Variants in GGCT observed in about 807,000 individuals in gnomAD.
GGCT encodes gamma-glutamylcyclotransferase.
GGCT carries 20 observed loss-of-function variants against 22.1 expected under a neutral mutation model. The ratio of observed to expected loss-of-function variants is 0.91; its 90% CI spans 0.64 to 1.32. The LOEUF (loss-of-function observed/expected upper bound fraction) is 1.32, where lower values mean the gene tolerates loss of function less well. GGCT is among the 40% of genes most tolerant of loss of function. The probability of loss-of-function intolerance (pLI) is 0.00; values close to 1 mark genes in which losing one functional copy is unlikely to be tolerated. For synonymous variants in GGCT, 72 were observed against 78.4 expected (o/e 0.92, Z 0.43); for missense variants, 209 against 223.5 (o/e 0.94, Z 0.41).
At position 30,504,702 on chromosome 7, in the gene GGCT, T is replaced by A; in HGVS notation, c.8A>T (p.Asn3Ile). Residue 3 changes from asparagine to isoleucine, a missense_variant, in exon 1 of 4, where the codon AAC (asparagine) becomes ATC (isoleucine). Physicochemically the swap from Asn to Ile is moderately radical, Grantham distance 149 (BLOSUM62 -3). Coordinates refer to ENST00000275428, the MANE Select transcript of GGCT (RefSeq NM_024051.4). MA[N>I]SGCKDVTGPD... Reference sequence around the variant, plus strand: ...ACCCGTGACGTCCTTGCAGCCCGAGTTGGCCATATCCCACTACGCCCCTGC... The same window carrying A: ...ACCCGTGACGTCCTTGCAGCCCGAGATGGCCATATCCCACTACGCCCCTGC... 1 of 1,614,086 alleles carries A rather than the reference T, an allele frequency of 6.2e-7. No individual in the cohort carries two copies. Among genetic ancestry groups the A allele is most frequent in the Non-Finnish European group, 8.5e-7 (1 of 1,179,954 alleles).
rs188331594 is a variant in GGCT, at chr7:30,496,749, C to T, written c.*343G>A. ...TTTAAAAATCTCAGACAGAGCAGAG[C>T]AATTCACCAGCACCATCATCAAGTG... On this transcript the variant is annotated 3_prime_UTR_variant, in exon 4 of 4. Transcript: ENST00000275428. 5 of 167,722 alleles carry T rather than the reference C, an allele frequency of 3.0e-5. No individual in the cohort carries two copies. The Admixed American group carries it at 3.2e-4, about 11-fold the overall frequency. The allele number at this position is 167,722 out of a possible 1,614,324, so 10.4% of individuals were successfully genotyped here.
In GGCT at chr7:30,498,026, T is replaced by TACAC. The variant is rs1554329077; in HGVS notation, c.423+773_423+776dup. The TACAC allele has an allele frequency of 1.1e-3, 243 of 219,504 alleles. 1 individual carries two copies. The highest frequency in any genetic ancestry group is 5.1e-3 in the African/African-American group (223 of 43,992). The allele number at this position is 219,504 out of a possible 1,614,324, so 13.6% of individuals were successfully genotyped here. ...AAAAGCATATATATATATATATAGA[T>TACAC]ACACACACACATATACATATATATA... is the stretch of plus-strand genomic sequence containing the variant. On this transcript the variant is annotated intron_variant, in intron 3 of 3. Transcript: ENST00000275428.
At chr7:30,500,021 T>C (rs557771309) in intron 2 of GGCT, among the ~76,000 whole-genome samples, 14 of 152,326 alleles carry the variant, frequency 9.2e-5, no homozygotes, top group South Asian at 8.3e-4. Context: ...CCTACTCTTT[T>C]CTGCAACTTT....
At chr7:30,500,771 G>T in intron 1 of GGCT, 90 bp from the exon 2 acceptor site, 1 of 1,059,606 alleles carries the variant, frequency 9.4e-7, no homozygotes, top group Non-Finnish European at 1.4e-6. Flanking sequence ...TGAACTCCAT[G>T]CAATTAAAAC....
In GGCT at chr7:30,500,604, C is replaced by A; in HGVS notation, c.219G>T (p.Gln73His). 6.2e-7 allele frequency: 1 copy of A among 1,613,900 alleles called. No individual in the cohort carries two copies. Among genetic ancestry groups the A allele is most frequent in the Non-Finnish European group, 8.5e-7 (1 of 1,179,784 alleles). The change falls in exon 2 of 4, where the codon CAG (glutamine) becomes CAT (histidine). Residue 73 changes from glutamine to histidine, a missense_variant. By Grantham distance (24) the Gln-to-His change is conservative. Coordinates refer to ENST00000275428, the MANE Select transcript of GGCT (RefSeq NM_024051.4). Reference sequence around the variant, plus strand: ...CTCCCCACACTTCATCGCCAGGACTCTGAAAAATGGTGGCTATCCCTCCAT... The same window carrying A: ...CTCCCCACACTTCATCGCCAGGACTATGAAAAATGGTGGCTATCCCTCCAT... ...TWHGGIATIF[Q>H]SPGDEVWGVV...
chr7:30,500,135 A>G, intron 2 of GGCT, among the ~76,000 whole-genome samples: 1 of 152,230 alleles, frequency 6.6e-6, no homozygotes, highest in East Asian at 1.9e-4. Context: ...AGTATTACTT[A>G]TTTACTGATT....
At position 30,497,600 on chromosome 7, in the gene GGCT, C is replaced by T. The variant is rs538324190; in HGVS notation, c.424-365G>A. On this transcript the variant is annotated intron_variant, in intron 3 of 3. Coordinates refer to ENST00000275428, the MANE Select transcript of GGCT (RefSeq NM_024051.4). The stretch of plus-strand genomic sequence containing the variant: ...ACAGAGAGCAGTTTCGGTTACAACG[C>T]CAGAGGTTACCCTTGCTCTGAATTG... The T allele has an allele frequency of 4.7e-5, 21 of 451,354 alleles. No individual in the cohort carries two copies. The South Asian group carries it at 2.2e-3, about 48-fold the overall frequency. 28.0% of individuals were successfully genotyped at this position (451,354 alleles called of 1,614,324 possible). A position where few individuals can be genotyped will look rare whatever the true frequency, so the allele number is the denominator to read the frequency against.
chr7:30,496,926 A>C lies in GGCT; in HGVS notation c.*166T>G. On this transcript the variant is annotated 3_prime_UTR_variant, in exon 4 of 4. Transcript: ENST00000275428. ...TTTTAAATTGTCTAACTCCTATCCCAGTTTCTTTTTATAGTCTAAAAACAA... is the reference window on the plus strand; with the variant it reads ...TTTTAAATTGTCTAACTCCTATCCCCGTTTCTTTTTATAGTCTAAAAACAA... 2.2e-6 allele frequency: 1 copy of C among 464,800 alleles called. No homozygotes were observed. The allele number at this position is 464,800 out of a possible 1,614,324, so 28.8% of individuals were successfully genotyped here. A position where few individuals can be genotyped will look rare whatever the true frequency, so the allele number is the denominator to read the frequency against.
At chr7:30,498,666 G>A (rs1245808263) in intron 3 of GGCT, 137 bp downstream of exon 3, 16 of 740,066 alleles carry the variant, frequency 2.2e-5, no homozygotes, top group South Asian at 8.8e-5. Flanking sequence ...TGATCTGCCC[G>A]CCCCAGCCTT....
chr7:30,504,501 G>T (rs752155281), intron 1 of GGCT, 68 bp downstream of exon 1: 9 of 1,570,722 alleles, frequency 5.7e-6, no homozygotes, highest in Middle Eastern at 1.8e-4. Flanking sequence ...TCGGCCACGT[G>T]TGCCCCCGAG....
chr7:30,503,781 CTTTTTTTTTTTTTTT>C (rs58105855), intron 1 of GGCT, among the ~76,000 whole-genome samples: 2 of 68,560 alleles, frequency 2.9e-5, no homozygotes, highest in South Asian at 6.4e-4. Context: ...TCAACACATT[CTTTTTTTTTTTTTTT>C]TTTTTTTTTT....
intron 3 of GGCT, 136 bp from the exon 4 acceptor site, chr7:30,497,371 T>C: frequency 1.7e-6 from 1 of 589,454 alleles, no homozygotes; most frequent in Non-Finnish European, 2.9e-6. Flanking sequence ...TAAACAATTA[T>C]ATAAAATAGA....
At chr7:30,498,775 A>G in intron 3 of GGCT, 28 bp downstream of exon 3, 1 of 1,582,124 alleles carries the variant, frequency 6.3e-7, no homozygotes, top group Non-Finnish European at 8.6e-7. Flanking sequence ...TTTAAAAAGT[A>G]ATCACCACCA....
chr7:30,502,245 T>A (rs1240876931), intron 1 of GGCT, among the ~76,000 whole-genome samples: 1 of 152,190 alleles, frequency 6.6e-6, no homozygotes, highest in African/African-American at 2.4e-5. Flanking sequence ...TTTTTTTTGT[T>A]TTTGTTTTTG....
chr7:30,497,013 C>T lies in GGCT; in HGVS notation c.*79G>A. 2 of 890,686 alleles carry T rather than the reference C, an allele frequency of 2.2e-6. No homozygotes were observed. Among genetic ancestry groups the T allele is most frequent in the Non-Finnish European group, 3.4e-6 (2 of 595,532 alleles). 55.2% of individuals were successfully genotyped at this position (890,686 alleles called of 1,614,324 possible). On this transcript the variant is annotated 3_prime_UTR_variant, in exon 4 of 4. Coordinates refer to ENST00000275428, the MANE Select transcript of GGCT (RefSeq NM_024051.4). ...CTGAAAATGGATCAAACGTGGAGATCCCCCAGATCCCTGTTCTCAAGTGTT... is the reference window on the plus strand; with the variant it reads ...CTGAAAATGGATCAAACGTGGAGATTCCCCAGATCCCTGTTCTCAAGTGTT...
At position 30,504,828 on chromosome 7, in the gene GGCT, G is replaced by A. The variant is rs933187147; in HGVS notation, c.-119C>T. ...GCCGCGCGGCAGCCTCAGGGTTAGG[G>A]GACTGGCGGGAAGCGTGGGCCGGTC... On this transcript the variant is annotated 5_prime_UTR_variant, in exon 1 of 4. Transcript: ENST00000275428. 8.0e-5 allele frequency: 81 copies of A among 1,013,664 alleles called. No homozygotes were observed. Among genetic ancestry groups the A allele is most frequent in the Non-Finnish European group, 1.1e-4 (75 of 667,314 alleles). The allele number at this position is 1,013,664 out of a possible 1,614,324, so 62.8% of individuals were successfully genotyped here. A position where few individuals can be genotyped will look rare whatever the true frequency, so the allele number is the denominator to read the frequency against.
chr7:30,497,848 A>G, intron 3 of GGCT: 1 of 1,452,544 alleles, frequency 6.9e-7, no homozygotes, highest in Non-Finnish European at 9.2e-7. Flanking sequence ...TGTGCTTGCA[A>G]GGGTGATTTC....
chr7:30,499,330 C>T (rs997842730), intron 2 of GGCT, among the ~76,000 whole-genome samples: 3 of 151,834 alleles, frequency 2.0e-5, no homozygotes, highest in Admixed American at 6.6e-5. Flanking sequence ...TCACTTGAAC[C>T]CGGGAGGTGG....
chr7:30,499,388 C>A (rs759103840), intron 2 of GGCT, among the ~76,000 whole-genome samples: 1 of 143,888 alleles, frequency 6.9e-6, no homozygotes, highest in Non-Finnish European at 1.5e-5. Context: ...GGCTGGGAGA[C>A]AGCAAGACTC....
Sources: gnomAD v4.1 joint callset for allele counts (sites outside exome capture counted in the v4.1 genomes callset) on GRCh38, gnomAD v4.1.1 for gene constraint, MANE v1.5 for transcripts, NCBI Gene and HGNC (gene_info 2026-07-23, HGNC 2026-07-21) for gene names.